Variants in ZNF462 observed in about 807,000 individuals in gnomAD.
ZNF462 encodes the protein zinc finger protein 462, also known as zinc finger PBX1-interacting protein.
In ZNF462, 10 loss-of-function variants were observed where a neutral mutation model predicts 201.9. The observed-to-expected ratio is 0.05, with a 90% CI of 0.03 to 0.08. The LOEUF (loss-of-function observed/expected upper bound fraction) is 0.08. ZNF462 is among the 10% of genes least tolerant of loss of function. The pLI is 1.00. For synonymous variants in ZNF462, 1,227 were observed against 1,193.3 expected (o/e 1.03, Z -0.58); for missense variants, 2,523 against 3,168.3 (o/e 0.80, Z 4.89).
At position 106,927,520 on chromosome 9, in the gene ZNF462, G is replaced by A. The variant is rs1403552886; in HGVS notation, c.3608G>A (p.Arg1203Gln). ...FFCQHCDYGNRTVKGVLIHYQ... is the reference protein window; with the variant it reads ...FFCQHCDYGNQTVKGVLIHYQ... ...TGCCAGCACTGTGATTATGGGAACC[G>A]GACGGTCAAAGGGGTACTCATTCAT... Residue 1203 changes from arginine (R) to glutamine (Q), a missense_variant, in exon 3 of 13, where the codon CGG becomes CAG. Arg to Gln is a conservative substitution (Grantham distance 43, BLOSUM62 1). Coordinates refer to ENST00000277225, the MANE Select transcript of ZNF462 (RefSeq NM_021224.6). 2.5e-6 allele frequency: 4 copies of A among 1,613,708 alleles called. No homozygotes were observed. Among genetic ancestry groups the A allele is most frequent in the East Asian group, 2.2e-5 (1 of 44,838 alleles).
chr9:107,011,180 C>A lies in ZNF462; in HGVS notation c.*150C>A. The A allele has an allele frequency of 1.5e-6, 1 of 664,164 alleles. No homozygotes were observed. Among genetic ancestry groups the A allele is most frequent in the Non-Finnish European group, 2.5e-6 (1 of 393,888 alleles). The allele number at this position is 664,164 out of a possible 1,614,324, so 41.1% of individuals were successfully genotyped here. On this transcript the variant is annotated 3_prime_UTR_variant, in exon 13 of 13. Coordinates refer to ENST00000277225, the MANE Select transcript of ZNF462 (RefSeq NM_021224.6). The surrounding 1 kb of genome is among the most constrained non-coding windows in gnomAD (Gnocchi z 5.6). ...ACAATCTATTTTCAAAGCACTGGTA[C>A]CTGTGTGAGTGAGTATGTAAATTAA...
chr9:106,964,607 A>G (rs1193829496), intron 7 of ZNF462, among the ~76,000 whole-genome samples: 1 of 152,056 alleles, frequency 6.6e-6, no homozygotes, highest in Non-Finnish European at 1.5e-5. Flanking sequence ...CTTAGAGCAG[A>G]GTCCTTCTAG....
rs143599980 is a variant in ZNF462, at chr9:106,941,126, C to T, written c.6427+2019C>T. ...GTCTCAGTCAGAGGTCAAGGGAATC[C>T]TTTAAACCCACCCACTGCATGTATC... On this transcript the variant is annotated intron_variant, in intron 7 of 12. Transcript: ENST00000277225. Among the ~76,000 whole-genome samples the T allele has an allele frequency of 5.0e-3, 760 of 152,180 alleles. 5 individuals carry two copies. The highest frequency in any genetic ancestry group is 0.016 in the African/African-American group (676 of 41,514).
At chr9:106,942,065 A>G (rs1830896585) in intron 7 of ZNF462, among the ~76,000 whole-genome samples, 1 of 152,234 alleles carries the variant, frequency 6.6e-6, no homozygotes, top group Non-Finnish European at 1.5e-5. Context: ...GAACACACCA[A>G]CCAAAAATGT....
At chr9:106,973,997 CATG>C in intron 8 of ZNF462, 137 bp from the exon 9 acceptor site, 1 of 1,131,062 alleles carries the variant, frequency 8.8e-7, no homozygotes, top group Non-Finnish European at 1.3e-6. Flanking sequence ...GGTCAACAAA[CATG>C]ATGAACAGAT....
intron 7 of ZNF462, among the ~76,000 whole-genome samples, chr9:106,961,273 T>C (rs183963961): frequency 9.9e-5 from 15 of 152,186 alleles, no homozygotes; most frequent in Admixed American, 5.2e-4. Context: ...TTATAGCTGA[T>C]TTAGGGGCAA....
Position 106,946,796 on chromosome 9 carries a change from C to A in ZNF462, c.6427+7689C>A, listed in dbSNP as rs1336416726. Among the ~76,000 whole-genome samples the A allele has an allele frequency of 7.2e-5, 11 of 151,860 alleles. 1 individual carries two copies. The South Asian group carries it at 2.3e-3, about 32-fold the overall frequency. On this transcript the variant is annotated intron_variant, in intron 7 of 12. Transcript: ENST00000277225. ...CCAGCGTGGGCAACATAGCAAGATC[C>A]CATCTCTACAAAAATATAAAAATAA...
chr9:106,952,598 C>T (rs866448868), intron 7 of ZNF462, among the ~76,000 whole-genome samples: 1 of 152,136 alleles, frequency 6.6e-6, no homozygotes, highest in African/African-American at 2.4e-5. Flanking sequence ...TGGTTGGAAC[C>T]ACCCAAATAA....
intron 9 of ZNF462, among the ~76,000 whole-genome samples, chr9:106,979,988 C>A (rs1029451507): frequency 1.3e-5 from 2 of 152,190 alleles, no homozygotes; most frequent in East Asian, 3.9e-4. Context: ...GAAATAATCT[C>A]CCCTAATTTA....
At chr9:106,975,063 T>C (rs181861821) in intron 9 of ZNF462, 1 of 152,328 alleles carries the variant, frequency 6.6e-6, no homozygotes, top group African/African-American at 2.4e-5. Flanking sequence ...ACAGCCTTCC[T>C]CTGCATTGGA....
chr9:106,875,676 A>G (rs1405628130), intron 1 of ZNF462, among the ~76,000 whole-genome samples: 3 of 152,186 alleles, frequency 2.0e-5, no homozygotes, highest in Non-Finnish European at 4.4e-5. Flanking sequence ...AATGAAGTCA[A>G]TGATTTCCAG....
intron 7 of ZNF462, among the ~76,000 whole-genome samples, chr9:106,967,767 G>A (rs10978686): frequency 0.063 from 9,623 of 152,094 alleles, 362 homozygotes; most frequent in Non-Finnish European, 0.087. Context: ...TCCAGTTCTG[G>A]GTATTTGCAG....
In ZNF462 at chr9:106,935,349, TAATTAATTA is replaced by T. The variant is rs1267311575; in HGVS notation, c.6117-149_6117-141del. 2.6e-5 allele frequency among the ~76,000 whole-genome samples: 4 copies of T among 152,208 alleles called. No individual in the cohort carries two copies. The highest frequency in any genetic ancestry group is 1.3e-4 in the Admixed American group (2 of 15,280). On this transcript the variant is annotated intron_variant, in intron 5 of 12. Transcript: ENST00000277225. The surrounding 1 kb of genome is among the most constrained non-coding windows in gnomAD (Gnocchi z 4.1). ...TAGAGTAGGTACAACTCTTGAAAAT[TAATTAATTA>T]AATTGATAAATGCCATTATTGGAAA...
chr9:106,875,168 C>T (rs1373486426), intron 1 of ZNF462, among the ~76,000 whole-genome samples: 1 of 152,170 alleles, frequency 6.6e-6, no homozygotes, highest in Non-Finnish European at 1.5e-5. Context: ...CTTTCTTCCC[C>T]TCTTGCCCCC....
chr9:106,864,116 C>CTCTCA, intron 1 of ZNF462, among the ~76,000 whole-genome samples: 1 of 134,406 alleles, frequency 7.4e-6, no homozygotes, highest in South Asian at 2.6e-4. Context: ...CTCTCCCTCT[C>CTCTCA]CCCGAAGTTG....
In ZNF462 at chr9:106,886,939, G is replaced by A. The variant is rs1425955748; in HGVS notation, c.-31+23584G>A. Reference sequence around the variant, plus strand: ...AGGCGGGAGAGGGTAAATGACAGGCGGTGGCACTTCCCTATACTTGCTGTC... The same window carrying A: ...AGGCGGGAGAGGGTAAATGACAGGCAGTGGCACTTCCCTATACTTGCTGTC... On this transcript the variant is annotated intron_variant, in intron 1 of 12. Transcript: ENST00000277225. This position sits in a 1 kb window ranked among gnomAD's most constrained non-coding sequence, Gnocchi z 4.6. Among the ~76,000 whole-genome samples the A allele has an allele frequency of 1.3e-5, 2 of 152,012 alleles. No individual in the cohort carries two copies. Among genetic ancestry groups the A allele is most frequent in the African/African-American group, 2.4e-5 (1 of 41,362 alleles).
chr9:106,997,982 T>C (rs921387574), intron 10 of ZNF462, among the ~76,000 whole-genome samples: 1 of 152,320 alleles, frequency 6.6e-6, no homozygotes, highest in African/African-American at 2.4e-5. Context: ...GGGTTGCTTC[T>C]GAGCTACAAC....
chr9:106,865,535 A>G lies in ZNF462; in HGVS notation c.-31+2180A>G, dbSNP rs575850941. ...AGGAACTCTAAGACTGGCTAACACCAGTTTCTCCAGGTTCTCCATTTCTCT... is the reference window on the plus strand; with the variant it reads ...AGGAACTCTAAGACTGGCTAACACCGGTTTCTCCAGGTTCTCCATTTCTCT... On this transcript the variant is annotated intron_variant, in intron 1 of 12. Transcript: ENST00000277225. This position sits in a 1 kb window ranked among gnomAD's most constrained non-coding sequence, Gnocchi z 4.1. Among the ~76,000 whole-genome samples the G allele has an allele frequency of 6.6e-6, 1 of 152,342 alleles. No homozygotes were observed. Among genetic ancestry groups the G allele is most frequent in the African/African-American group, 2.4e-5 (1 of 41,586 alleles).
upstream of ZNF462, among the ~76,000 whole-genome samples, chr9:106,861,377 G>T (rs746478297): frequency 3.9e-5 from 6 of 152,104 alleles, no homozygotes; most frequent in Non-Finnish European, 7.4e-5. Context: ...CTGTTGCTTG[G>T]GGGGAGGGAG....
Sources: allele counts gnomAD v4.1 joint callset (sites outside exome capture counted in the v4.1 genomes callset), GRCh38; gene constraint gnomAD v4.1.1; non-coding constraint Gnocchi (gnomAD v3.1); transcripts MANE v1.5; gene names NCBI Gene and HGNC (gene_info 2026-07-23, HGNC 2026-07-21).